The following BTBD9 variants were observed in gnomAD, a reference collection of about 807,000 sequenced individuals.
The protein encoded by BTBD9 is BTB domain containing 9.
A neutral mutation model predicts 64.3 loss-of-function variants in BTBD9; 49 were observed. The ratio of observed to expected loss-of-function variants is 0.76; its 90% CI spans 0.61 to 0.97. The LOEUF is 0.97. Ranked by LOEUF, BTBD9 falls within the 50% of genes least tolerant of loss-of-function variation. The pLI is 0.00. For synonymous variants in BTBD9, 260 were observed against 274.7 expected (o/e 0.95, Z 0.53); for missense variants, 598 against 762.1 (o/e 0.78, Z 2.53).
At chr6:38,457,199 T>A (rs560434512) in intron 6 of BTBD9, among the ~76,000 whole-genome samples, 3 of 152,128 alleles carry the variant, frequency 2.0e-5, no homozygotes, top group Non-Finnish European at 4.4e-5. Flanking sequence ...TAAGGTCACA[T>A]AGGCCTTGGA....
At chr6:38,623,773 CCTT>C (rs1477301785) in intron 1 of BTBD9, among the ~76,000 whole-genome samples, 1 of 152,198 alleles carries the variant, frequency 6.6e-6, no homozygotes, top group African/African-American at 2.4e-5. Context: ...TTTTTAAACT[CCTT>C]GTCAAATTTG....
chr6:38,176,649 G>A (rs1761266058), intron 10 of BTBD9, among the ~76,000 whole-genome samples: 1 of 152,172 alleles, frequency 6.6e-6, no homozygotes, highest in Non-Finnish European at 1.5e-5. Flanking sequence ...AACAACTGGA[G>A]GGGCTAGGTC....
chr6:38,220,915 G>T (rs1288437570), intron 9 of BTBD9, among the ~76,000 whole-genome samples: 1 of 152,192 alleles, frequency 6.6e-6, no homozygotes, highest in Non-Finnish European at 1.5e-5. Flanking sequence ...TAACCAGAGG[G>T]TAGAGAAAGG....
Position 38,384,795 on chromosome 6 carries a change from T to A in BTBD9, c.1155-39702A>T, listed in dbSNP as rs78139908. 1.0e-3 allele frequency among the ~76,000 whole-genome samples: 154 copies of A among 152,314 alleles called. 4 individuals carry two copies. The East Asian group carries it at 0.016, about 16-fold the overall frequency. On this transcript the variant is annotated intron_variant, in intron 6 of 10. Coordinates refer to ENST00000481247, the MANE Select transcript of BTBD9 (RefSeq NM_001099272.2). ...GCACAGGGAATTTTGTCTCATCCTG[T>A]ATGTCATAAACTGACAAAAATATAC...
At chr6:38,354,313 C>T in intron 6 of BTBD9, among the ~76,000 whole-genome samples, 1 of 152,244 alleles carries the variant, frequency 6.6e-6, no homozygotes, top group African/African-American at 2.4e-5. Context: ...GTACAAACAG[C>T]ATCTGCAGGC....
intron 6 of BTBD9, among the ~76,000 whole-genome samples, chr6:38,451,858 C>T (rs767724276): frequency 6.6e-6 from 1 of 152,014 alleles, no homozygotes; most frequent in Non-Finnish European, 1.5e-5. Context: ...AGTTCATGTA[C>T]CTGAAAAATA....
chr6:38,547,523 T>G (rs1380952077), intron 6 of BTBD9, among the ~76,000 whole-genome samples: 1 of 152,166 alleles, frequency 6.6e-6, no homozygotes, highest in Admixed American at 6.5e-5. Flanking sequence ...TCCACAACAA[T>G]TTCACCTTCT....
chr6:38,449,363 C>G (rs1427024742), intron 6 of BTBD9, among the ~76,000 whole-genome samples: 1 of 152,140 alleles, frequency 6.6e-6, no homozygotes, highest in Admixed American at 6.5e-5. Context: ...TACCTGACTT[C>G]AAAATATACT....
chr6:38,426,431 C>T (rs1367953166), intron 6 of BTBD9, among the ~76,000 whole-genome samples: 5 of 151,972 alleles, frequency 3.3e-5, no homozygotes, highest in African/African-American at 4.8e-5. Flanking sequence ...TGAATGGGAG[C>T]TCTGTTTTCA....
chr6:38,299,112 T>A (rs527839597), intron 7 of BTBD9, among the ~76,000 whole-genome samples: 1 of 152,226 alleles, frequency 6.6e-6, no homozygotes, highest in Admixed American at 6.5e-5. Context: ...CAGTGTTTGG[T>A]TTTTTGTCCT....
intron 8 of BTBD9, among the ~76,000 whole-genome samples, chr6:38,258,958 T>C (rs1278474480): frequency 6.6e-6 from 1 of 152,238 alleles, no homozygotes; most frequent in Non-Finnish European, 1.5e-5. Context: ...TAATGTTAAC[T>C]GTGTATTAGG....
chr6:38,231,998 AC>A (rs1763624413), intron 9 of BTBD9, among the ~76,000 whole-genome samples: 1 of 152,152 alleles, frequency 6.6e-6, no homozygotes, highest in Non-Finnish European at 1.5e-5. Context: ...TGTTTACCAC[AC>A]CTCTCTTCCT....
intron 7 of BTBD9, among the ~76,000 whole-genome samples, chr6:38,307,445 T>A (rs1241572092): frequency 6.6e-6 from 1 of 152,230 alleles, no homozygotes; most frequent in East Asian, 1.9e-4. Context: ...ATTTTTAAGC[T>A]TTTCCTTTCC....
chr6:38,182,878 A>C (rs192094706), intron 10 of BTBD9, among the ~76,000 whole-genome samples: 292 of 152,280 alleles, frequency 1.9e-3, no homozygotes, highest in African/African-American at 6.4e-3. Context: ...CAGTGTCTGA[A>C]ACAACCATAT....
chr6:38,535,153 AAT>A (rs1216350196), intron 6 of BTBD9, among the ~76,000 whole-genome samples: 2 of 152,170 alleles, frequency 1.3e-5, no homozygotes, highest in African/African-American at 4.8e-5. Context: ...AGAACTGATC[AAT>A]TCAGTAAACT....
In BTBD9 at chr6:38,251,264, A is replaced by ATT. The variant is rs374203427; in HGVS notation, c.1562+5143_1562+5144dup. On this transcript the variant is annotated intron_variant, in intron 9 of 10. Coordinates refer to ENST00000481247, the MANE Select transcript of BTBD9 (RefSeq NM_001099272.2). Reference sequence around the variant, plus strand: ...TTGTTAAGTTAATAAAAGAGGTGTGATTTTTTTTTTTTTTTTTAAAGATGG... The same window carrying ATT: ...TTGTTAAGTTAATAAAAGAGGTGTGATTTTTTTTTTTTTTTTTTTAAAGATGG... 2.4e-3 allele frequency among the ~76,000 whole-genome samples: 333 copies of ATT among 139,418 alleles called. 3 individuals are homozygous for ATT. The highest frequency in any genetic ancestry group is 7.3e-3 in the African/African-American group (277 of 38,060). 91.5% of individuals were successfully genotyped at this position (139,418 alleles called of 152,430 possible). A position where few individuals can be genotyped will look rare whatever the true frequency, so the allele number is the denominator to read the frequency against.
chr6:38,519,943 C>T (rs1430539266), intron 6 of BTBD9, among the ~76,000 whole-genome samples: 1 of 152,078 alleles, frequency 6.6e-6, no homozygotes, highest in Non-Finnish European at 1.5e-5. Context: ...TGTAGCATCA[C>T]TTATAAGAAC....
chr6:38,499,677 T>G (rs1356776840), intron 6 of BTBD9, among the ~76,000 whole-genome samples: 4 of 152,128 alleles, frequency 2.6e-5, no homozygotes, highest in Non-Finnish European at 5.9e-5. Flanking sequence ...CTTCTTTTAT[T>G]CACACTACAA....
At chr6:38,239,009 A>C (rs1763895915) in intron 9 of BTBD9, among the ~76,000 whole-genome samples, 1 of 152,196 alleles carries the variant, frequency 6.6e-6, no homozygotes, top group African/African-American at 2.4e-5. Context: ...GAAGGGGTCC[A>C]TTTGGATGGT....
Sources: allele counts gnomAD v4.1 joint callset (sites outside exome capture counted in the v4.1 genomes callset), GRCh38; gene constraint gnomAD v4.1.1; transcripts MANE v1.5; gene names NCBI Gene and HGNC (gene_info 2026-07-23, HGNC 2026-07-21).